Variants in SGCD observed in about 807,000 individuals in gnomAD.
SGCD encodes sarcoglycan delta, also known as delta-sarcoglycan.
A neutral mutation model predicts 36.6 loss-of-function variants in SGCD; 18 were observed. That is an observed-to-expected ratio of 0.49 (90% CI 0.34 to 0.73). SGCD has a LOEUF of 0.73. Among genes scored for constraint, SGCD ranks in the 30% least tolerant of loss-of-function variants. The pLI is 0.01. For missense variants in SGCD, 387 were observed against 346.7 expected (o/e 1.12, Z -0.92); for synonymous variants, 133 against 130.6 (o/e 1.02, Z -0.12).
intron 3 of SGCD, among the ~76,000 whole-genome samples, chr5:156,495,254 C>T (rs937103813): frequency 6.6e-6 from 1 of 152,092 alleles, no homozygotes; most frequent in Non-Finnish European, 1.5e-5. Context: ...TGGTGACACA[C>T]CTGAAAGACT....
chr5:156,517,631 C>T (rs528490208), intron 4 of SGCD, among the ~76,000 whole-genome samples: 2 of 152,282 alleles, frequency 1.3e-5, no homozygotes, highest in South Asian at 4.2e-4. Flanking sequence ...GCCCATCAGA[C>T]TAACAGCAGA....
At chr5:156,180,817 G>A (rs1007762976) in intron 3 of SGCD, among the ~76,000 whole-genome samples, 8 of 148,576 alleles carry the variant, frequency 5.4e-5, no homozygotes, top group Non-Finnish European at 1.0e-4. Flanking sequence ...CTCTTTGGAA[G>A]CTGGGTGGGA....
the SGCD span, among the ~76,000 whole-genome samples, chr5:155,818,458 GA>G: frequency 6.6e-6 from 1 of 152,126 alleles, no homozygotes. Context: ...TAGGAGAGGA[GA>G]GGGGTGCAGG....
At chr5:156,318,277 A>T (rs918181755) in intron 3 of SGCD, among the ~76,000 whole-genome samples, 1 of 152,236 alleles carries the variant, frequency 6.6e-6, no homozygotes, top group African/African-American at 2.4e-5. Context: ...GAAAAGGATA[A>T]TTAATGCATT....
At chr5:156,233,503 G>C (rs1765074848) in intron 3 of SGCD, among the ~76,000 whole-genome samples, 1 of 152,186 alleles carries the variant, frequency 6.6e-6, no homozygotes, top group African/African-American at 2.4e-5. Flanking sequence ...ACAAAGTGGA[G>C]AGGGTGTTTA....
chr5:156,351,401 A>T (rs148410350), intron 3 of SGCD, among the ~76,000 whole-genome samples: 1 of 152,082 alleles, frequency 6.6e-6, no homozygotes, highest in African/African-American at 2.4e-5. Context: ...CTGGAGACAG[A>T]TGTTCTAAGT....
At chr5:156,270,633 A>G (rs1385205413) in intron 3 of SGCD, among the ~76,000 whole-genome samples, 2 of 152,128 alleles carry the variant, frequency 1.3e-5, no homozygotes, top group African/African-American at 4.8e-5. Context: ...GGTATGTGAT[A>G]TGTTTTCTAT....
chr5:155,738,467 A>T, the SGCD span, among the ~76,000 whole-genome samples: 1 of 152,192 alleles, frequency 6.6e-6, no homozygotes, highest in Non-Finnish European at 1.5e-5. Flanking sequence ...TATGTAAATG[A>T]TACATCTTGG....
intron 7 of SGCD, among the ~76,000 whole-genome samples, chr5:156,756,289 G>A (rs949308017): frequency 2.0e-5 from 3 of 152,194 alleles, no homozygotes; most frequent in Admixed American, 2.0e-4. Flanking sequence ...GTTCACGCTT[G>A]TAATCCCAGC....
At chr5:156,446,544 A>G (rs578221429) in intron 3 of SGCD, among the ~76,000 whole-genome samples, 1 of 152,228 alleles carries the variant, frequency 6.6e-6, no homozygotes, top group Non-Finnish European at 1.5e-5. Flanking sequence ...CTGGTTTTAC[A>G]ATGTGTTTTG....
chr5:156,114,750 A>G (rs537925310), intron 1 of SGCD, among the ~76,000 whole-genome samples: 2 of 152,260 alleles, frequency 1.3e-5, no homozygotes, highest in Admixed American at 6.5e-5. Flanking sequence ...ATTACAAGCC[A>G]TATTTTCATT....
Position 156,480,377 on chromosome 5 carries a change from C to T in SGCD, c.193-28224C>T, listed in dbSNP as rs530871574. 1.2e-4 allele frequency among the ~76,000 whole-genome samples: 18 copies of T among 152,336 alleles called. No homozygotes were observed. In the East Asian group the frequency reaches 3.1e-3, roughly 26 times the overall value. ...CATGATAGCAAAATGGCAGCAGCTG[C>T]TCCAGGCATTACATTGGCATACCAC... On this transcript the variant is annotated intron_variant, in intron 3 of 8. Transcript: ENST00000337851.
rs1364195874 is a variant in SGCD at position 155,900,419 on chromosome 5, C to CT, written c.-282+30003dup. On this transcript the variant is annotated intron_variant, in intron 1 of 9. Coordinates refer to the SGCD transcript ENST00000517913. The stretch of plus-strand genomic sequence containing the variant: ...ACAGTTTTTATCTTTTTGCAACTAG[C>CT]TTTTTTTTATTATTATTATTATACT... Among the ~76,000 whole-genome samples the CT allele has an allele frequency of 7.4e-4, 111 of 150,772 alleles. 2 individuals carry two copies. The highest frequency in any genetic ancestry group is 7.3e-3 in the South Asian group (35 of 4,778).
In SGCD at chr5:156,220,682, A is replaced by T. The variant is rs371091262; in HGVS notation, c.-44+96663A>T. Among the ~76,000 whole-genome samples the T allele has an allele frequency of 2.0e-5, 3 of 152,100 alleles. No individual in the cohort carries two copies. The East Asian group carries it at 5.8e-4, about 29-fold the overall frequency. On this transcript the variant is annotated intron_variant, in intron 3 of 9. Coordinates refer to the SGCD transcript ENST00000517913. ...TTCAACTGATAAAACATGGACACCT[A>T]CCAGTCAAAACAGGAAGATGATCAC...
At chr5:155,808,757 A>AATG in the SGCD span, among the ~76,000 whole-genome samples, 36 of 152,268 alleles carry the variant, frequency 2.4e-4, no homozygotes, top group East Asian at 9.6e-4. Context: ...TGTTTAAAAC[A>AATG]ATGATGATGA....
intron 3 of SGCD, among the ~76,000 whole-genome samples, chr5:156,389,231 A>G (rs1228783956): frequency 2.0e-5 from 3 of 152,214 alleles, no homozygotes; most frequent in African/African-American, 4.8e-5. Context: ...TCTGCAAGAT[A>G]TATCCCTATT....
At chr5:156,385,437 A>G (rs1158178659) in intron 3 of SGCD, among the ~76,000 whole-genome samples, 3 of 152,276 alleles carry the variant, frequency 2.0e-5, no homozygotes, top group African/African-American at 7.2e-5. Flanking sequence ...GGGAAGCAAC[A>G]TAGTTCTTCA....
chr5:156,554,117 A>G (rs1308944866), intron 4 of SGCD, among the ~76,000 whole-genome samples: 1 of 152,190 alleles, frequency 6.6e-6, no homozygotes, highest in Non-Finnish European at 1.5e-5. Context: ...GCACTTTGGG[A>G]AGCCAAGGCA....
At chr5:155,757,707 A>G in the SGCD span, among the ~76,000 whole-genome samples, 5 of 152,156 alleles carry the variant, frequency 3.3e-5, no homozygotes, top group African/African-American at 1.2e-4. Flanking sequence ...AGTTCCTTCC[A>G]TGCTCTCAAA....
Sources: allele counts gnomAD v4.1 joint callset (sites outside exome capture counted in the v4.1 genomes callset), GRCh38; gene constraint gnomAD v4.1.1; transcripts MANE v1.5; gene names NCBI Gene and HGNC (gene_info 2026-07-23, HGNC 2026-07-21).